PCDHGA2: variants seen among roughly 807,000 people sequenced by gnomAD.
The protein encoded by PCDHGA2 is protocadherin gamma subfamily A, 2, also known as protocadherin gamma-A2.
PCDHGA2 carries 40 observed loss-of-function variants against 59.2 expected under a neutral mutation model. That is an observed-to-expected ratio of 0.68 (90% CI 0.52 to 0.88). The LOEUF (loss-of-function observed/expected upper bound fraction) is 0.88. Ranked by LOEUF, PCDHGA2 falls within the 40% of genes least tolerant of loss-of-function variation. The probability of loss-of-function intolerance (pLI) is 0.00; values close to 1 mark genes in which losing one functional copy is unlikely to be tolerated. For synonymous variants in PCDHGA2, 560 were observed against 526.0 expected (o/e 1.06, Z -0.89); for missense variants, 1,226 against 1,204.0 (o/e 1.02, Z -0.27).
chr5:141,416,996 C>T (rs1280099812), intron 1 of PCDHGA2: 1 of 151,012 alleles, frequency 6.6e-6, no homozygotes. Flanking sequence ...GTGCATTCAT[C>T]TCAAATAATT....
chr5:141,408,777 C>T (rs1019825842), intron 1 of PCDHGA2: 22 of 1,611,714 alleles, frequency 1.4e-5, no homozygotes, highest in Non-Finnish European at 1.8e-5. Context: ...GGCAAATACC[C>T]AGAGTTATCT....
intron 1 of PCDHGA2, chr5:141,376,291 C>G (rs780024608): frequency 6.2e-6 from 10 of 1,614,040 alleles, no homozygotes; most frequent in South Asian, 1.1e-5. Flanking sequence ...CGAGCATGCC[C>G]GGCTCGCACT....
chr5:141,366,284 C>A (rs941616031), intron 1 of PCDHGA2: 1 of 1,613,596 alleles, frequency 6.2e-7, no homozygotes, highest in African/African-American at 1.3e-5. Flanking sequence ...CCATGGCCAG[C>A]CCCCTCTGTC....
At chr5:141,410,029 G>T (rs2095350230) in intron 1 of PCDHGA2, 15 of 1,613,274 alleles carry the variant, frequency 9.3e-6, no homozygotes, top group Non-Finnish European at 1.3e-5. Context: ...ACCACGTGCT[G>T]CAGGCCAGTG....
At position 141,344,677 on chromosome 5, in the gene PCDHGA2, C is replaced by T. The variant is rs774704324; in HGVS notation, c.2424+3282C>T. On this transcript the variant is annotated intron_variant, in intron 1 of 3. Coordinates refer to ENST00000394576, the MANE Select transcript of PCDHGA2 (RefSeq NM_018915.4). ...ATTCACCAGCTTGTCCTGGTTGCCT[C>T]TGATGGTGGCGACCCTGTCCACTCT... 11 of 1,614,008 alleles carry T rather than the reference C, an allele frequency of 6.8e-6. No individual in the cohort carries two copies. The Admixed American group carries it at 1.8e-4, about 27-fold the overall frequency.
chr5:141,489,380 A>T lies in PCDHGA2; in HGVS notation c.2425-5427A>T, dbSNP rs753226956. 1 of 1,613,874 alleles carries T rather than the reference A, an allele frequency of 6.2e-7. No homozygotes were observed. The highest frequency in any genetic ancestry group is 2.2e-5 in the East Asian group (1 of 44,872). On this transcript the variant is annotated intron_variant, in intron 1 of 3. Transcript: ENST00000394576. The surrounding 1 kb of genome is among the most constrained non-coding windows in gnomAD (Gnocchi z 4.5). ...TCTGAGCCGGGGACGCTGGTGGGGA[A>T]TGTTGCTCAGGATCTGGGCTTAAAG... is the stretch of plus-strand genomic sequence containing the variant.
At chr5:141,418,463 C>G in intron 1 of PCDHGA2, 1 of 1,613,944 alleles carries the variant, frequency 6.2e-7, no homozygotes, top group South Asian at 1.1e-5. Context: ...GACTCTGGAC[C>G]GAGAAACGCA....
chr5:141,477,629 C>T lies in PCDHGA2; in HGVS notation c.2425-17178C>T, dbSNP rs1191573380. 6.2e-7 allele frequency: 1 copy of T among 1,614,158 alleles called. No homozygotes were observed. Reference sequence around the variant, plus strand: ...CTTGGAGCAAGGAGCTGAAACCGGGCTAGTGGGTCGCTATTTCACAATAAA... The same window carrying T: ...CTTGGAGCAAGGAGCTGAAACCGGGTTAGTGGGTCGCTATTTCACAATAAA... On this transcript the variant is annotated intron_variant, in intron 1 of 3. Coordinates refer to ENST00000394576, the MANE Select transcript of PCDHGA2 (RefSeq NM_018915.4). The surrounding 1 kb of genome is among the most constrained non-coding windows in gnomAD (Gnocchi z 4.9).
chr5:141,339,932 G>A lies in PCDHGA2; in HGVS notation c.961G>A (p.Ala321Thr). 1.9e-6 allele frequency: 3 copies of A among 1,614,128 alleles called. No individual in the cohort carries two copies. Among genetic ancestry groups the A allele is most frequent in the Non-Finnish European group, 2.5e-6 (3 of 1,180,010 alleles). The change falls in exon 1 of 4, where the codon GCT becomes ACT. Residue 321 changes from alanine to threonine, a missense_variant. Physicochemically the swap from Ala to Thr is moderately conservative, Grantham distance 58. Coordinates refer to ENST00000394576, the MANE Select transcript of PCDHGA2 (RefSeq NM_018915.4). ...DATFHEIDIE[A>T]QDGPGLLTRA... ...TACATTCCATGAAATTGATATTGAA[G>A]CTCAGGATGGTCCGGGCCTTCTAAC...
chr5:141,462,668 T>C (rs778396861), intron 1 of PCDHGA2, among the ~76,000 whole-genome samples: 10 of 152,232 alleles, frequency 6.6e-5, no homozygotes, highest in Non-Finnish European at 1.5e-4. Flanking sequence ...CTTCATATTT[T>C]TCTTTAAATT....
chr5:141,383,197 G>C lies in PCDHGA2; in HGVS notation c.2424+41802G>C, dbSNP rs184479480. ...CCGGGAAGAGATCTGCGCTCAGAGTGCGCGGTGTCTGGTAAACTTTAACAT... is the reference window on the plus strand; with the variant it reads ...CCGGGAAGAGATCTGCGCTCAGAGTCCGCGGTGTCTGGTAAACTTTAACAT... On this transcript the variant is annotated intron_variant, in intron 1 of 3. Transcript: ENST00000394576. 7.4e-4 allele frequency: 1,202 copies of C among 1,614,034 alleles called. 10 individuals are homozygous for C. The African/African-American group carries it at 0.015, about 20-fold the overall frequency.
chr5:141,393,007 G>A (rs1486010375), intron 1 of PCDHGA2: 3 of 1,613,850 alleles, frequency 1.9e-6, no homozygotes, highest in East Asian at 2.2e-5. Context: ...CACGGAGTCC[G>A]TATCGTCTCC....
chr5:141,341,875 A>C, intron 1 of PCDHGA2: 1 of 166,604 alleles, frequency 6.0e-6, no homozygotes, highest in Non-Finnish European at 1.3e-5. Flanking sequence ...GTCTTAATAC[A>C]TTTCTTTCAG....
intron 1 of PCDHGA2, chr5:141,384,838 C>G: frequency 6.2e-7 from 1 of 1,613,540 alleles, no homozygotes; most frequent in Non-Finnish European, 8.5e-7. Flanking sequence ...GGTGGCCGTC[C>G]AGGACCACGG....
At position 141,423,201 on chromosome 5, in the gene PCDHGA2, C is replaced by T. The variant is rs749613139; in HGVS notation, c.2425-71606C>T. 24 of 1,613,628 alleles carry T rather than the reference C, an allele frequency of 1.5e-5. No homozygotes were observed. The South Asian group carries it at 1.5e-4, about 10-fold the overall frequency. ...ACGGCCAGCCCCCTCTCTCGGCCAC[C>T]GTCACGCTCACCGTGGCTGTGGCCG... On this transcript the variant is annotated intron_variant, in intron 1 of 3. Coordinates refer to ENST00000394576, the MANE Select transcript of PCDHGA2 (RefSeq NM_018915.4).
chr5:141,347,613 C>T (rs537154488), intron 1 of PCDHGA2, among the ~76,000 whole-genome samples: 1 of 152,006 alleles, frequency 6.6e-6, no homozygotes, highest in Non-Finnish European at 1.5e-5. Context: ...ATGGTGAAAG[C>T]CTGTCTCTAC....
Position 141,476,017 on chromosome 5 carries a change from G to C in PCDHGA2, c.2425-18790G>C. The C allele has an allele frequency of 1.5e-6, 2 of 1,369,942 alleles. No individual in the cohort carries two copies. The highest frequency in any genetic ancestry group is 2.0e-6 in the Non-Finnish European group (2 of 1,015,658). The allele number at this position is 1,369,942 out of a possible 1,614,324, so 84.9% of individuals were successfully genotyped here. A position where few individuals can be genotyped will look rare whatever the true frequency, so the allele number is the denominator to read the frequency against. On this transcript the variant is annotated intron_variant, in intron 1 of 3. Coordinates refer to ENST00000394576, the MANE Select transcript of PCDHGA2 (RefSeq NM_018915.4). This position sits in a 1 kb window ranked among gnomAD's most constrained non-coding sequence, Gnocchi z 7.6. ...CAACGGCATCCAGAAAGCCATGTCG[G>C]ACTCGGCGCCCAGCGCCCAAGCGCT...
chr5:141,426,642 G>T, intron 1 of PCDHGA2: 1 of 411,420 alleles, frequency 2.4e-6, no homozygotes, highest in South Asian at 1.7e-5. Context: ...TCACATAAAT[G>T]TGATGATAGA....
Position 141,340,829 on chromosome 5 carries a change from G to A in PCDHGA2, c.1858G>A (p.Gly620Ser), listed in dbSNP as rs1420990022. The A allele has an allele frequency of 1.2e-6, 2 of 1,613,578 alleles. No individual in the cohort carries two copies. The highest frequency in any genetic ancestry group is 1.7e-6 in the Non-Finnish European group (2 of 1,179,924). ...KASEPGLFSV[G>S]LHTGEVRTAR... ...CAGCGAGCCGGGACTCTTCTCGGTG[G>A]GTCTGCACACGGGCGAGGTGCGCAC... Residue 620 changes from glycine to serine, a missense_variant, in exon 1 of 4, where the codon GGT (glycine) becomes AGT (serine). Transcript: ENST00000394576.
Sources: gnomAD v4.1 joint callset for allele counts (sites outside exome capture counted in the v4.1 genomes callset) on GRCh38, gnomAD v4.1.1 for gene constraint, Gnocchi (gnomAD v3.1) non-coding constraint, MANE v1.5 for transcripts, NCBI Gene and HGNC (gene_info 2026-07-23, HGNC 2026-07-21) for gene names.